Variants in PDIA6 observed in about 807,000 individuals in gnomAD.
The protein encoded by PDIA6 is protein disulfide isomerase family A member 6, also known as protein disulfide-isomerase A6.
In PDIA6, 29 loss-of-function variants were observed where a neutral mutation model predicts 58.4. The observed-to-expected ratio is 0.50, with a 90% CI of 0.37 to 0.68. PDIA6 has a LOEUF of 0.68. PDIA6 is among the 30% of genes least tolerant of loss of function. The probability of loss-of-function intolerance (pLI) is 0.00; values close to 1 mark genes in which losing one functional copy is unlikely to be tolerated. For synonymous variants in PDIA6, 192 were observed against 202.6 expected (o/e 0.95, Z 0.44); for missense variants, 480 against 551.0 (o/e 0.87, Z 1.29).
intron 10 of PDIA6, among the ~76,000 whole-genome samples, chr2:10,787,765 A>G (rs987270303): frequency 6.6e-6 from 1 of 152,104 alleles, no homozygotes; most frequent in East Asian, 1.9e-4. Context: ...CAAGAAGCAA[A>G]AAGATAAATA....
chr2:10,788,052 T>A (rs1665859469), intron 10 of PDIA6, among the ~76,000 whole-genome samples: 2 of 124,526 alleles, frequency 1.6e-5, no homozygotes, highest in African/African-American at 5.7e-5. Flanking sequence ...GGCAAGAGAG[T>A]GAGACTCTGT....
rs1244205045 is a variant in PDIA6 at position 10,783,980 on chromosome 2, CAG to C, written c.*276_*277del. The C allele has an allele frequency of 1.9e-5, 5 of 269,638 alleles. No individual in the cohort carries two copies. Among genetic ancestry groups the C allele is most frequent in the Non-Finnish European group, 3.5e-5 (5 of 144,886 alleles). 16.7% of individuals were successfully genotyped at this position (269,638 alleles called of 1,614,324 possible). On this transcript the variant is annotated 3_prime_UTR_variant, in exon 13 of 13. Transcript: ENST00000272227. ...CCTCCAAGAACATTCAAGCAGCAGT[CAG>C]AGAGAAAAATGTTTCGACAGCCAAG...
intron 1 of PDIA6, among the ~76,000 whole-genome samples, chr2:10,809,641 G>C (rs1351298128): frequency 6.4e-5 from 2 of 31,010 alleles, no homozygotes; most frequent in South Asian, 2.4e-3. Flanking sequence ...GCAAGACCCG[G>C]TCTCAAAAAA....
At chr2:10,793,345 C>T in intron 4 of PDIA6, 143 bp from the exon 5 acceptor site, 2 of 604,988 alleles carry the variant, frequency 3.3e-6, no homozygotes, top group Non-Finnish European at 6.0e-6. Flanking sequence ...TGACAGAACA[C>T]ACTTTCTCCC....
intron 1 of PDIA6, among the ~76,000 whole-genome samples, chr2:10,824,141 T>C (rs1667481806): frequency 6.6e-6 from 1 of 151,780 alleles, no homozygotes; most frequent in African/African-American, 2.4e-5. Flanking sequence ...AAAATGTTGG[T>C]TCCATACTGT....
intron 1 of PDIA6, chr2:10,810,556 T>C (rs916680222): frequency 3.8e-5 from 29 of 762,150 alleles, no homozygotes; most frequent in Middle Eastern, 4.8e-4. Context: ...GGACCTTTGT[T>C]TGTCTTTAAA....
Position 10,812,727 on chromosome 2 carries a change from C to CGCCGCCGCCGCTTCAGCCCTGCAGCGT in PDIA6, c.-58_-32dup. On this transcript the variant is annotated 5_prime_UTR_variant, in exon 1 of 13. Coordinates refer to ENST00000272227, the MANE Select transcript of PDIA6 (RefSeq NM_005742.4). ...GCGCCGGGCTACGTGCAGTCCCCAC[C>CGCCGCCGCCGCTTCAGCCCTGCAGCGT]GCCGCCGCCGCTTCAGCCCTGCAGC... 4 of 1,489,256 alleles carry CGCCGCCGCCGCTTCAGCCCTGCAGCGT rather than the reference C, an allele frequency of 2.7e-6. No homozygotes were observed. The highest frequency in any genetic ancestry group is 3.6e-6 in the Non-Finnish European group (4 of 1,121,036). 92.3% of individuals were successfully genotyped at this position (1,489,256 alleles called of 1,614,324 possible).
chr2:10,801,413 G>A lies in PDIA6; in HGVS notation c.161+1086C>T, dbSNP rs192735239. 1.5e-3 allele frequency among the ~76,000 whole-genome samples: 222 copies of A among 152,274 alleles called. 2 individuals are homozygous for A. Among genetic ancestry groups the A allele is most frequent in the Admixed American group, 0.014 (214 of 15,296 alleles). On this transcript the variant is annotated intron_variant, in intron 2 of 12. Coordinates refer to ENST00000272227, the MANE Select transcript of PDIA6 (RefSeq NM_005742.4). The stretch of plus-strand genomic sequence containing the variant: ...ATGCTGTCTTGCAGAGTTTTCTCTT[G>A]TATGGTCGCTCTCAGAAACAAGGTA...
At chr2:10,816,075 G>GTTTTTTTTT (rs1667182899), upstream of PDIA6, among the ~76,000 whole-genome samples, 4 of 78,090 alleles carry the variant, frequency 5.1e-5, no homozygotes, top group African/African-American at 2.0e-4. Context: ...GAAATCATTT[G>GTTTTTTTTT]TCTTTTTTTT....
At chr2:10,820,145 C>T (rs769704688) in intron 1 of PDIA6, among the ~76,000 whole-genome samples, 8 of 152,138 alleles carry the variant, frequency 5.3e-5, no homozygotes, top group Middle Eastern at 3.4e-3. Context: ...CGTGGACCCA[C>T]GAAGAGTTAG....
chr2:10,825,290 G>GTC (rs1268142176), intron 1 of PDIA6, among the ~76,000 whole-genome samples: 6 of 75,684 alleles, frequency 7.9e-5, no homozygotes, highest in Admixed American at 1.5e-4. Context: ...CTCTCTCTCT[G>GTC]TCTCTCTCTC....
chr2:10,821,515 A>G (rs1283065000), intron 1 of PDIA6: 1 of 152,246 alleles, frequency 6.6e-6, no homozygotes, highest in Non-Finnish European at 1.5e-5. Context: ...ATGCTGAGCA[A>G]ACATCTAGAA....
rs1686422 is a variant in PDIA6, at chr2:10,809,668, A to C, written c.19+3010T>G. On this transcript the variant is annotated intron_variant, in intron 1 of 12. Coordinates refer to ENST00000272227, the MANE Select transcript of PDIA6 (RefSeq NM_005742.4). ...CTCAAAAAAAAAAAAAAAAAAAAAA[A>C]AAAACCCAAAAAATAGGATAATCTT... Among the ~76,000 whole-genome samples the C allele has an allele frequency of 9.2e-3, 1,204 of 130,234 alleles. 23 individuals carry two copies. The highest frequency in any genetic ancestry group is 0.026 in the African/African-American group (955 of 36,516). The allele number at this position is 130,234 out of a possible 152,430, so 85.4% of individuals were successfully genotyped here. A position where few individuals can be genotyped will look rare whatever the true frequency, so the allele number is the denominator to read the frequency against.
At position 10,787,304 on chromosome 2, in the gene PDIA6, C is replaced by T. The variant is rs1665812300; in HGVS notation, c.1134G>A (p.Glu378=). The part of the protein sequence containing the change: ...KFALLKGSFS[E]QGINEFLREL... Reference sequence around the variant, plus strand: ...ACCTGAGAAACTCGTTGATGCCTTGCTCACTGAAGGAGCCTTTTAGCAGAG... The same window carrying T: ...ACCTGAGAAACTCGTTGATGCCTTGTTCACTGAAGGAGCCTTTTAGCAGAG... Residue 378 remains glutamate, a synonymous_variant, in exon 11 of 13, where the codon GAG becomes GAA. Coordinates refer to ENST00000272227, the MANE Select transcript of PDIA6 (RefSeq NM_005742.4). 6.2e-7 allele frequency: 1 copy of T among 1,614,008 alleles called. No homozygotes were observed. Among genetic ancestry groups the T allele is most frequent in the South Asian group, 1.1e-5 (1 of 91,072 alleles).
intron 6 of PDIA6, among the ~76,000 whole-genome samples, chr2:10,791,045 C>T (rs1052203295): frequency 3.3e-5 from 5 of 152,178 alleles, no homozygotes; most frequent in African/African-American, 1.2e-4. Flanking sequence ...TAGGGTTTCC[C>T]CATGTTGCCC....
intron 1 of PDIA6, chr2:10,810,239 TTACCTAAGATCATATAATTAGA>T: frequency 7.1e-7 from 1 of 1,401,460 alleles, no homozygotes; most frequent in Non-Finnish European, 9.8e-7. Flanking sequence ...AAAGGATAAC[TTACCTAAGATCATATAATTAGA>T]TAGACCCAAA....
intron 1 of PDIA6, among the ~76,000 whole-genome samples, chr2:10,808,457 G>A (rs1666853815): frequency 6.6e-6 from 1 of 152,176 alleles, no homozygotes; most frequent in Admixed American, 6.6e-5. Context: ...CCAGAGGCAG[G>A]CAAATGTAGA....
chr2:10,825,057 G>A (rs529997014), intron 1 of PDIA6, among the ~76,000 whole-genome samples: 3 of 152,264 alleles, frequency 2.0e-5, no homozygotes, highest in Admixed American at 6.5e-5. Context: ...GGAAAAAAAC[G>A]TGAAAAGGCC....
chr2:10,791,916 C>T lies in PDIA6; in HGVS notation c.463G>A (p.Asp155Asn), dbSNP rs1282459481. ...GYSSGKQGRSDSSSKKDVIEL... is the reference protein window; with the variant it reads ...GYSSGKQGRSNSSSKKDVIEL... The stretch of plus-strand genomic sequence containing the variant: ...ATCACATCCTTCTTACTTGAACTAT[C>T]ACTTCTGCCCTGTCATTTATGACAT... The change falls in exon 6 of 13, where the codon GAT (aspartate) becomes AAT (asparagine). Residue 155 changes from aspartate to asparagine, a missense_variant. By Grantham distance (23) the Asp-to-Asn change is conservative (BLOSUM62 1). Transcript: ENST00000272227. 5 of 1,613,284 alleles carry T rather than the reference C, an allele frequency of 3.1e-6. No homozygotes were observed. In the Admixed American group the frequency reaches 8.4e-5, roughly 27 times the overall value.
Sources: gnomAD v4.1 joint callset for allele counts (sites outside exome capture counted in the v4.1 genomes callset) on GRCh38, gnomAD v4.1.1 for gene constraint, MANE v1.5 for transcripts, NCBI Gene and HGNC (gene_info 2026-07-23, HGNC 2026-07-21) for gene names.